Variants in TRIM23 observed in about 807,000 individuals in gnomAD.
TRIM23 encodes tripartite motif containing 23.
In TRIM23, 27 loss-of-function variants were observed where a neutral mutation model predicts 71.0. That is an observed-to-expected ratio of 0.38 (90% CI 0.28 to 0.52). The LOEUF (loss-of-function observed/expected upper bound fraction) is 0.52, where lower values mean the gene tolerates loss of function less well. TRIM23 is among the 20% of genes least tolerant of loss of function. The pLI is 0.84. For synonymous variants in TRIM23, 234 were observed against 238.0 expected (o/e 0.98, Z 0.16); for missense variants, 482 against 692.3 (o/e 0.70, Z 3.41).
At position 65,591,523 on chromosome 5, in the gene TRIM23, TTTA is replaced by T; in HGVS notation, c.*243_*245del. ...AAAAACTTAAATAACAAATATACTT[TTTA>T]AAAGAATGTATATTCAATAAGTTTC... On this transcript the variant is annotated 3_prime_UTR_variant, in exon 11 of 11. Coordinates refer to ENST00000231524, the MANE Select transcript of TRIM23 (RefSeq NM_001656.4). 3 of 1,517,622 alleles carry T rather than the reference TTTA, an allele frequency of 2.0e-6. No homozygotes were observed. The highest frequency in any genetic ancestry group is 2.7e-6 in the Non-Finnish European group (3 of 1,118,252). 94.0% of individuals were successfully genotyped at this position (1,517,622 alleles called of 1,614,324 possible). A position where few individuals can be genotyped will look rare whatever the true frequency, so the allele number is the denominator to read the frequency against.
At chr5:65,605,849 G>A (rs1336620102) in intron 6 of TRIM23, among the ~76,000 whole-genome samples, 1 of 152,142 alleles carries the variant, frequency 6.6e-6, no homozygotes, top group African/African-American at 2.4e-5. Flanking sequence ...CACTGTTTCA[G>A]TTGTTCAGGA....
chr5:65,624,077 G>T, intron 1 of TRIM23, 117 bp downstream of exon 1: 1 of 1,190,950 alleles, frequency 8.4e-7, no homozygotes, highest in Non-Finnish European at 1.2e-6. Context: ...TGCCAAAAGG[G>T]GCCCAGAGGC....
At chr5:65,605,298 A>G (rs1315802965) in intron 6 of TRIM23, among the ~76,000 whole-genome samples, 1 of 152,242 alleles carries the variant, frequency 6.6e-6, no homozygotes, top group African/African-American at 2.4e-5. Flanking sequence ...ACACGTGATG[A>G]TAGAAATTTC....
rs1753985660 is a variant in TRIM23 at position 65,590,400 on chromosome 5, A to C, written c.*1369T>G. The C allele has an allele frequency of 7.0e-7, 1 of 1,437,220 alleles. No homozygotes were observed. The highest frequency in any genetic ancestry group is 2.7e-5 in the Admixed American group (1 of 36,602). The allele number at this position is 1,437,220 out of a possible 1,614,324, so 89.0% of individuals were successfully genotyped here. A position where few individuals can be genotyped will look rare whatever the true frequency, so the allele number is the denominator to read the frequency against. On this transcript the variant is annotated 3_prime_UTR_variant, in exon 11 of 11. Coordinates refer to ENST00000231524, the MANE Select transcript of TRIM23 (RefSeq NM_001656.4). ...TAATGCTTTGTTTTCTAAAACTTGT[A>C]TTGTTTTTAAACAAAAATAGATTTG...
At chr5:65,614,272 AT>A in intron 2 of TRIM23, 53 bp from the exon 3 acceptor site, 1 of 1,535,032 alleles carries the variant, frequency 6.5e-7, no homozygotes, top group Non-Finnish European at 9.0e-7. Flanking sequence ...ACTATTAATC[AT>A]TTTACCCATA....
intron 3 of TRIM23, 81 bp from the exon 4 acceptor site, chr5:65,611,962 C>G (rs1331019251): frequency 7.3e-7 from 1 of 1,360,598 alleles, no homozygotes. Context: ...AATCCATAAT[C>G]CTTTTTGCTT....
At chr5:65,601,032 C>A (rs1440988415) in intron 7 of TRIM23, among the ~76,000 whole-genome samples, 1 of 152,214 alleles carries the variant, frequency 6.6e-6, no homozygotes, top group Non-Finnish European at 1.5e-5. Flanking sequence ...CCCTTGTGCA[C>A]CACTGGTGGA....
chr5:65,592,037 T>A, intron 10 of TRIM23, 89 bp from the exon 11 acceptor site: 1 of 1,298,070 alleles, frequency 7.7e-7, no homozygotes, highest in African/African-American at 1.5e-5. Context: ...TTGTTGACAG[T>A]GTTCTAACAG....
In TRIM23 at chr5:65,590,319, G is replaced by A. The variant is rs1363686061; in HGVS notation, c.*1450C>T. ...ACCTTTTACCTGAAAAATAAAGGAT[G>A]AAATATTACATTTATTTATTTACAT... On this transcript the variant is annotated 3_prime_UTR_variant, in exon 11 of 11. Transcript: ENST00000231524. 2 of 1,439,468 alleles carry A rather than the reference G, an allele frequency of 1.4e-6. No homozygotes were observed. The highest frequency in any genetic ancestry group is 1.9e-5 in the Admixed American group (1 of 52,164). 89.2% of individuals were successfully genotyped at this position (1,439,468 alleles called of 1,614,324 possible).
chr5:65,608,955 A>C (rs1754577057), intron 6 of TRIM23, among the ~76,000 whole-genome samples: 2 of 152,214 alleles, frequency 1.3e-5, no homozygotes, highest in Non-Finnish European at 2.9e-5. Context: ...AAAAAAAAAA[A>C]AAACTACATA....
At chr5:65,605,103 A>C in intron 6 of TRIM23, 58 bp from the exon 7 acceptor site, 1 of 1,454,400 alleles carries the variant, frequency 6.9e-7, no homozygotes. Context: ...AGGAAAAGAG[A>C]CTTATATTAC....
chr5:65,622,260 G>A (rs1380904113), intron 1 of TRIM23, among the ~76,000 whole-genome samples: 1 of 152,100 alleles, frequency 6.6e-6, no homozygotes, highest in Non-Finnish European at 1.5e-5. Flanking sequence ...CCGCCTCCTG[G>A]GTTCAAGTGA....
intron 3 of TRIM23, chr5:65,613,864 T>A (rs1401083802): frequency 2.1e-6 from 3 of 1,423,732 alleles, no homozygotes; most frequent in Admixed American, 4.4e-5. Context: ...AACTGAATTA[T>A]GATAAGGAAA....
intron 2 of TRIM23, 95 bp downstream of exon 2, chr5:65,617,998 C>A: frequency 7.7e-7 from 1 of 1,298,676 alleles, no homozygotes; most frequent in East Asian, 2.7e-5. Flanking sequence ...GGAATTTTAT[C>A]ATTCTAAAAA....
At chr5:65,619,747 C>A (rs573961324) in intron 1 of TRIM23, among the ~76,000 whole-genome samples, 1 of 152,252 alleles carries the variant, frequency 6.6e-6, no homozygotes, top group South Asian at 2.1e-4. Context: ...GATGAAAATT[C>A]TTTACGTGAA....
chr5:65,621,339 G>T (rs987712754), intron 1 of TRIM23, among the ~76,000 whole-genome samples: 2 of 152,138 alleles, frequency 1.3e-5, no homozygotes, highest in African/African-American at 4.8e-5. Context: ...GCGACAGAGT[G>T]AGGCTCTGTC....
chr5:65,617,070 T>A lies in TRIM23; in HGVS notation c.244+1023A>T, dbSNP rs182041944. Among the ~76,000 whole-genome samples, 43 of 152,278 alleles carry A rather than the reference T, an allele frequency of 2.8e-4. No individual in the cohort carries two copies. In the East Asian group the frequency reaches 7.9e-3, roughly 28 times the overall value. On this transcript the variant is annotated intron_variant, in intron 2 of 10. Coordinates refer to ENST00000231524, the MANE Select transcript of TRIM23 (RefSeq NM_001656.4). Reference sequence around the variant, plus strand: ...TAGTATGATATATGCATATTTCACATAATAAAAGACCAAATAAAAGTACAG... The same window carrying A: ...TAGTATGATATATGCATATTTCACAAAATAAAAGACCAAATAAAAGTACAG...
At position 65,597,174 on chromosome 5, in the gene TRIM23, G is replaced by A. The variant is rs769690811; in HGVS notation, c.1186C>T (p.Arg396Ter). 6 of 1,613,786 alleles carry A rather than the reference G, an allele frequency of 3.7e-6. No homozygotes were observed. The highest frequency in any genetic ancestry group is 5.1e-6 in the Non-Finnish European group (6 of 1,179,834). Reference sequence around the variant, plus strand: ...TCCATTTTTGGTCCAATGTGAACTCGATTATCCTACAATTTAAATATTTTT... The same window carrying A: ...TCCATTTTTGGTCCAATGTGAACTCAATTATCCTACAATTTAAATATTTTT... ...SIPVTFTKDN[R>*]VHIGPKMEIR... The change falls in exon 8 of 11, where the codon CGA becomes TGA. Residue 396 changes from arginine to a stop codon, truncating the protein, a stop_gained. Transcript: ENST00000231524. LOFTEE classifies it high-confidence loss of function.
Position 65,594,660 on chromosome 5 carries a change from AT to A in TRIM23, c.1421-16del. ...AAACACAACAGCTACCCAAAAAAAA[AT>A]AAAAAAAACAAAAATAGTCACTTGC... On this transcript the variant is annotated splice_polypyrimidine_tract_variant and intron_variant, in intron 9 of 10. Coordinates refer to ENST00000231524, the MANE Select transcript of TRIM23 (RefSeq NM_001656.4). 1.3e-6 allele frequency: 2 copies of A among 1,537,932 alleles called. No homozygotes were observed. Among genetic ancestry groups the A allele is most frequent in the East Asian group, 4.7e-5 (2 of 42,732 alleles).
Sources: allele counts gnomAD v4.1 joint callset (sites outside exome capture counted in the v4.1 genomes callset), GRCh38; gene constraint gnomAD v4.1.1; transcripts MANE v1.5; gene names NCBI Gene and HGNC (gene_info 2026-07-23, HGNC 2026-07-21).